The following SLC35F3 variants were observed in gnomAD, a reference collection of about 807,000 sequenced individuals.
SLC35F3 encodes putative thiamine transporter SLC35F3.
SLC35F3 carries 25 observed loss-of-function variants against 49.9 expected under a neutral mutation model. The ratio of observed to expected loss-of-function variants is 0.50; its 90% CI spans 0.37 to 0.70. SLC35F3 has a LOEUF of 0.70. Among genes scored for constraint, SLC35F3 ranks in the 30% least tolerant of loss-of-function variants. The pLI, the probability that SLC35F3 is intolerant of heterozygous loss-of-function variation, is 0.00. For missense variants in SLC35F3, 525 were observed against 639.8 expected, an observed-to-expected ratio of 0.82 and a Z score of 1.94; for synonymous variants, 275 against 265.4, an observed-to-expected ratio of 1.04 and a Z score of -0.35.
At chr1:234,208,588 A>C (rs1667008186) in intron 2 of SLC35F3, among the ~76,000 whole-genome samples, 1 of 152,164 alleles carries the variant, frequency 6.6e-6, no homozygotes, top group Non-Finnish European at 1.5e-5. Context: ...GAAACTGGGC[A>C]TTTTGACTCC....
intron 2 of SLC35F3, among the ~76,000 whole-genome samples, chr1:233,952,020 C>T (rs1417869447): frequency 6.6e-6 from 1 of 152,092 alleles, no homozygotes; most frequent in African/African-American, 2.4e-5. Flanking sequence ...ATCCCAATAA[C>T]TTTTCCTATA....
intron 2 of SLC35F3, among the ~76,000 whole-genome samples, chr1:233,915,946 G>A (rs552188300): frequency 1.2e-4 from 18 of 152,180 alleles, no homozygotes; most frequent in Non-Finnish European, 2.4e-4. Context: ...TTTGGGTGGG[G>A]ACACAGCCAA....
At chr1:234,128,609 G>T (rs1665684774) in intron 2 of SLC35F3, among the ~76,000 whole-genome samples, 1 of 152,198 alleles carries the variant, frequency 6.6e-6, no homozygotes, top group Non-Finnish European at 1.5e-5. Context: ...AATGCATGAA[G>T]AGGGGATGAT....
chr1:234,312,409 A>G (rs1180506127), intron 4 of SLC35F3, among the ~76,000 whole-genome samples: 3 of 152,204 alleles, frequency 2.0e-5, no homozygotes, highest in Non-Finnish European at 4.4e-5. Flanking sequence ...TCGCATCTCA[A>G]TCAGATTCCA....
At chr1:233,986,798 C>A (rs1352575698) in intron 2 of SLC35F3, among the ~76,000 whole-genome samples, 1 of 152,160 alleles carries the variant, frequency 6.6e-6, no homozygotes, top group East Asian at 1.9e-4. Context: ...TGCAGACATT[C>A]CTTTTGGAGT....
chr1:234,144,666 T>G (rs1665971010), intron 2 of SLC35F3, among the ~76,000 whole-genome samples: 1 of 152,236 alleles, frequency 6.6e-6, no homozygotes, highest in African/African-American at 2.4e-5. Flanking sequence ...CATGAGTTTC[T>G]GATTCACTTA....
intron 2 of SLC35F3, among the ~76,000 whole-genome samples, chr1:234,087,268 T>C (rs1317552863): frequency 6.6e-6 from 1 of 152,210 alleles, no homozygotes; most frequent in Non-Finnish European, 1.5e-5. Context: ...TTCATAAGTC[T>C]TTCATGCCAC....
At chr1:233,926,673 G>A (rs532903278) in intron 2 of SLC35F3, among the ~76,000 whole-genome samples, 46 of 152,208 alleles carry the variant, frequency 3.0e-4, no homozygotes, top group Admixed American at 1.1e-3. Context: ...GCTTTGTTCC[G>A]TTGCTGGCAA....
intron 3 of SLC35F3, among the ~76,000 whole-genome samples, chr1:234,300,253 C>T (rs757993859): frequency 6.6e-6 from 1 of 152,186 alleles, no homozygotes; most frequent in Non-Finnish European, 1.5e-5. Flanking sequence ...TGAATGATGG[C>T]ATGCTGTCAA....
At chr1:234,220,827 C>G (rs1046009062) in intron 2 of SLC35F3, among the ~76,000 whole-genome samples, 1 of 152,108 alleles carries the variant, frequency 6.6e-6, no homozygotes, top group Non-Finnish European at 1.5e-5. Context: ...GGAAACTCAT[C>G]TGGGAGGGAG....
intron 2 of SLC35F3, among the ~76,000 whole-genome samples, chr1:234,183,804 G>A (rs989225890): frequency 7.0e-6 from 1 of 142,648 alleles, no homozygotes; most frequent in South Asian, 2.5e-4. Context: ...AAAATACCAC[G>A]CTGTGGACCC....
chr1:234,051,624 C>A (rs1397850263), intron 2 of SLC35F3, among the ~76,000 whole-genome samples: 1 of 152,014 alleles, frequency 6.6e-6, no homozygotes, highest in Non-Finnish European at 1.5e-5. Context: ...AGTTGAATAC[C>A]CTTTATTTCT....
intron 2 of SLC35F3, among the ~76,000 whole-genome samples, chr1:234,065,167 A>C (rs575779904): frequency 1.3e-5 from 2 of 148,640 alleles, no homozygotes; most frequent in East Asian, 4.0e-4. Context: ...TTTTTTTTTG[A>C]GACAAAGTCT....
chr1:234,019,416 C>A (rs982995401), intron 2 of SLC35F3, among the ~76,000 whole-genome samples: 1 of 152,124 alleles, frequency 6.6e-6, no homozygotes, highest in Non-Finnish European at 1.5e-5. Context: ...CTTTAAGGAA[C>A]TGGCTCACCA....
chr1:233,941,765 A>C (rs1224047616), intron 2 of SLC35F3, among the ~76,000 whole-genome samples: 1 of 152,144 alleles, frequency 6.6e-6, no homozygotes, highest in Non-Finnish European at 1.5e-5. Context: ...GAAAATCACT[A>C]ACCTTTAGGA....
chr1:234,024,220 T>TAA lies in SLC35F3; in HGVS notation c.283+118472_283+118473dup, dbSNP rs141020545. 8.3e-3 allele frequency among the ~76,000 whole-genome samples: 1,197 copies of TAA among 144,416 alleles called. 17 individuals are homozygous for TAA. Among genetic ancestry groups the TAA allele is most frequent in the African/African-American group, 0.027 (1,083 of 39,746 alleles). 94.7% of individuals were successfully genotyped at this position (144,416 alleles called of 152,430 possible). ...CTATTCTAAAAATAAACGCTTCTGA[T>TAA]AAAAAAAAAAAGCACTAGGCATTAG... On this transcript the variant is annotated intron_variant, in intron 2 of 7. Transcript: ENST00000366618.
intron 2 of SLC35F3, among the ~76,000 whole-genome samples, chr1:233,979,751 A>G (rs1663150169): frequency 6.6e-6 from 1 of 152,140 alleles, no homozygotes; most frequent in Non-Finnish European, 1.5e-5. Context: ...GTGAGTGGTT[A>G]TGGGTTCTGA....
At chr1:233,987,300 A>G (rs928778867) in intron 2 of SLC35F3, among the ~76,000 whole-genome samples, 3 of 152,196 alleles carry the variant, frequency 2.0e-5, no homozygotes, top group Admixed American at 1.3e-4. Context: ...AAAAGAAAGA[A>G]AAAGAAATGA....
intron 2 of SLC35F3, among the ~76,000 whole-genome samples, chr1:234,147,621 T>A (rs1666018013): frequency 6.6e-6 from 1 of 152,172 alleles, no homozygotes; most frequent in Non-Finnish European, 1.5e-5. Context: ...ATTTTTTGGA[T>A]AAAGGGCCAA....
Sources: allele counts gnomAD v4.1 joint callset (sites outside exome capture counted in the v4.1 genomes callset), GRCh38; gene constraint gnomAD v4.1.1; transcripts MANE v1.5; gene names NCBI Gene and HGNC (gene_info 2026-07-23, HGNC 2026-07-21).